WWOX: variants seen among roughly 807,000 people sequenced by gnomAD.
WWOX encodes WW domain-containing oxidoreductase.
A neutral mutation model predicts 46.2 loss-of-function variants in WWOX; 69 were observed. The ratio of observed to expected loss-of-function variants is 1.49; its 90% CI spans 1.23 to 1.82. The LOEUF is 1.82. Ranked by LOEUF, WWOX falls within the 40% of genes most tolerant of loss-of-function variation. The pLI is 0.00. For synonymous variants in WWOX, 359 were observed against 202.6 expected (o/e 1.77, Z -6.56); for missense variants, 919 against 542.6 (o/e 1.69, Z -6.89).
At chr16:78,894,558 A>G (rs2044659984) in intron 8 of WWOX, among the ~76,000 whole-genome samples, 1 of 152,164 alleles carries the variant, frequency 6.6e-6, no homozygotes, top group African/African-American at 2.4e-5. Flanking sequence ...GCCTGATTCT[A>G]ATTTTCAACT....
chr16:79,180,916 A>G (rs749112307), intron 8 of WWOX, among the ~76,000 whole-genome samples: 1 of 152,220 alleles, frequency 6.6e-6, no homozygotes, highest in Non-Finnish European at 1.5e-5. Flanking sequence ...ATACAAGGAC[A>G]TTTGTGTCTG....
intron 8 of WWOX, among the ~76,000 whole-genome samples, chr16:79,152,237 C>T (rs1354925756): frequency 7.2e-5 from 11 of 152,252 alleles, no homozygotes; most frequent in East Asian, 1.9e-4. Context: ...GCTGGCAGAA[C>T]GGGTGATGGA....
intron 8 of WWOX, among the ~76,000 whole-genome samples, chr16:79,019,859 A>G (rs1388565461): frequency 1.3e-5 from 2 of 152,212 alleles, no homozygotes; most frequent in East Asian, 3.8e-4. Flanking sequence ...ATTTCAGGCT[A>G]GTTAAGCAAC....
chr16:78,750,346 G>T (rs1459412743), intron 8 of WWOX, among the ~76,000 whole-genome samples: 1 of 152,190 alleles, frequency 6.6e-6, no homozygotes, highest in East Asian at 1.9e-4. Flanking sequence ...GTAAGAATGG[G>T]ACCAGGACTC....
At chr16:78,511,450 C>T (rs1182494105) in intron 8 of WWOX, among the ~76,000 whole-genome samples, 4 of 152,174 alleles carry the variant, frequency 2.6e-5, no homozygotes, top group East Asian at 1.9e-4. Context: ...ACGTTGCAGG[C>T]ACGTTGAATG....
chr16:79,009,254 A>T (rs1019637001), intron 8 of WWOX, among the ~76,000 whole-genome samples: 1 of 152,214 alleles, frequency 6.6e-6, no homozygotes, highest in South Asian at 2.1e-4. Flanking sequence ...TTTGGGCACT[A>T]TAGCCTTAAA....
chr16:78,886,415 T>A (rs1173968888), intron 8 of WWOX, among the ~76,000 whole-genome samples: 1 of 151,974 alleles, frequency 6.6e-6, no homozygotes, highest in Non-Finnish European at 1.5e-5. Context: ...AATGGTGGCT[T>A]CACAAAAGAA....
intron 8 of WWOX, among the ~76,000 whole-genome samples, chr16:78,926,406 C>G (rs1038372579): frequency 1.3e-5 from 2 of 151,914 alleles, no homozygotes; most frequent in Admixed American, 1.3e-4. Context: ...GAAAATAAAG[C>G]CTGGCCCATG....
chr16:78,288,169 G>A (rs1003303186), intron 5 of WWOX, among the ~76,000 whole-genome samples: 1 of 151,838 alleles, frequency 6.6e-6, no homozygotes, highest in Admixed American at 6.6e-5. Context: ...AATGAAAAAC[G>A]GAAACACTTT....
At chr16:78,536,111 T>C (rs959105091) in intron 8 of WWOX, among the ~76,000 whole-genome samples, 16 of 152,140 alleles carry the variant, frequency 1.1e-4, no homozygotes, top group Middle Eastern at 3.2e-3. Flanking sequence ...TAAGCATTCA[T>C]TAAGTGTTCC....
intron 8 of WWOX, among the ~76,000 whole-genome samples, chr16:78,794,224 A>C (rs138109822): frequency 0.012 from 1,815 of 152,278 alleles, 100 homozygotes; most frequent in Admixed American, 0.1. Context: ...CCATGAATCT[A>C]TGAGGAGGCG....
intron 8 of WWOX, among the ~76,000 whole-genome samples, chr16:79,118,142 G>T (rs1265264365): frequency 6.6e-6 from 1 of 152,214 alleles, no homozygotes; most frequent in Non-Finnish European, 1.5e-5. Context: ...TAAAGTGAGA[G>T]ACATGCAACT....
chr16:78,590,045 G>C lies in WWOX; in HGVS notation c.1056+157293G>C, dbSNP rs548504229. Among the ~76,000 whole-genome samples, 4 of 152,130 alleles carry C rather than the reference G, an allele frequency of 2.6e-5. No homozygotes were observed. The South Asian group carries it at 8.3e-4, about 32-fold the overall frequency. On this transcript the variant is annotated intron_variant, in intron 8 of 8. Coordinates refer to ENST00000566780, the MANE Select transcript of WWOX (RefSeq NM_016373.4). The stretch of plus-strand genomic sequence containing the variant: ...GTGTCACGCACTGTGATAAGTCCTA[G>C]GATTATAGAAGTCAATAAGCTATGA...
chr16:78,707,761 T>C (rs1264291574), intron 8 of WWOX, among the ~76,000 whole-genome samples: 1 of 151,838 alleles, frequency 6.6e-6, no homozygotes, highest in South Asian at 2.1e-4. Flanking sequence ...TGCACACCTG[T>C]AGTCCCAGCT....
In WWOX at chr16:78,820,383, G is replaced by C. The variant is rs997463053; in HGVS notation, c.1056+387631G>C. On this transcript the variant is annotated intron_variant, in intron 8 of 8. Transcript: ENST00000566780. ...CGCCAGAAATAATCGTGGAGTCAACGAAGATCTGGGAGTATTGTTTGGAGA... is the reference window on the plus strand; with the variant it reads ...CGCCAGAAATAATCGTGGAGTCAACCAAGATCTGGGAGTATTGTTTGGAGA... 4.6e-5 allele frequency among the ~76,000 whole-genome samples: 7 copies of C among 152,244 alleles called. No homozygotes were observed. In the South Asian group the frequency reaches 1.5e-3, roughly 32 times the overall value.
chr16:78,875,330 C>A (rs1331396525), intron 8 of WWOX, among the ~76,000 whole-genome samples: 1 of 151,976 alleles, frequency 6.6e-6, no homozygotes, highest in Admixed American at 6.6e-5. Flanking sequence ...AGCCATCTTG[C>A]TTTGTAAGCC....
At chr16:79,154,271 C>G (rs140562949) in intron 8 of WWOX, among the ~76,000 whole-genome samples, 282 of 152,274 alleles carry the variant, frequency 1.9e-3, no homozygotes, top group African/African-American at 6.3e-3. Flanking sequence ...GGTGAGGTCA[C>G]CGTGGGAATG....
At chr16:78,710,682 A>G (rs1191889470) in intron 8 of WWOX, among the ~76,000 whole-genome samples, 1 of 150,720 alleles carries the variant, frequency 6.6e-6, no homozygotes, top group African/African-American at 2.4e-5. Context: ...TGGCGTGATC[A>G]TGGCTCACTG....
intron 8 of WWOX, among the ~76,000 whole-genome samples, chr16:78,652,472 C>G (rs2046989136): frequency 1.3e-5 from 2 of 150,854 alleles, no homozygotes. Flanking sequence ...CCCATGAATT[C>G]CAAATACAAT....
Sources: allele counts gnomAD v4.1 joint callset (sites outside exome capture counted in the v4.1 genomes callset), GRCh38; gene constraint gnomAD v4.1.1; transcripts MANE v1.5; gene names NCBI Gene and HGNC (gene_info 2026-07-23, HGNC 2026-07-21).